Variants in CEP164 observed in about 807,000 individuals in gnomAD.
The protein encoded by CEP164 is centrosomal protein of 164 kDa.
A neutral mutation model predicts 182.7 loss-of-function variants in CEP164; 162 were observed. The ratio of observed to expected loss-of-function variants is 0.89; its 90% confidence interval spans 0.78 to 1.01. CEP164 has a LOEUF of 1.01. Ranked by LOEUF, CEP164 falls within the 50% of genes least tolerant of loss-of-function variation. The pLI, the probability that CEP164 is intolerant of heterozygous loss-of-function variation, is 0.00. For missense variants in CEP164, 1,735 were observed against 1,790.4 expected (o/e 0.97, Z 0.56); for synonymous variants, 661 against 690.0 (o/e 0.96, Z 0.66).
At chr11:117,337,524 A>AAAAAAAAAAAAG (rs2037373001) in intron 2 of CEP164, among the ~76,000 whole-genome samples, 1 of 151,166 alleles carries the variant, frequency 6.6e-6, no homozygotes, top group African/African-American at 2.4e-5. Flanking sequence ...AAAAAAAAAA[A>AAAAAAAAAAAAG]GTAAAATATA....
intron 5 of CEP164, 135 bp from the exon 6 acceptor site, chr11:117,361,700 C>A (rs769991380): frequency 2.8e-5 from 23 of 836,220 alleles, no homozygotes; most frequent in Non-Finnish European, 4.3e-5. Context: ...TGTTGTGTTT[C>A]ATTAGCAGCC....
intron 5 of CEP164, among the ~76,000 whole-genome samples, chr11:117,352,537 G>T (rs745754320): frequency 5.9e-5 from 9 of 152,218 alleles, no homozygotes; most frequent in Non-Finnish European, 1.2e-4. Flanking sequence ...ATTGTTGCCA[G>T]TGTCTTCAGT....
At chr11:117,336,827 T>C (rs1160573711) in intron 2 of CEP164, among the ~76,000 whole-genome samples, 1 of 151,934 alleles carries the variant, frequency 6.6e-6, no homozygotes, top group Non-Finnish European at 1.5e-5. Flanking sequence ...CTCCTGTTGG[T>C]CACATTTGGT....
intron 3 of CEP164, among the ~76,000 whole-genome samples, chr11:117,343,779 C>T (rs1369689154): frequency 2.6e-5 from 4 of 151,870 alleles, no homozygotes; most frequent in African/African-American, 2.4e-5. Context: ...TACAGATGTG[C>T]GCCACCACGC....
At chr11:117,329,669 G>A (rs998488544) in intron 1 of CEP164, among the ~76,000 whole-genome samples, 2 of 152,116 alleles carry the variant, frequency 1.3e-5, no homozygotes, top group Admixed American at 6.6e-5. Flanking sequence ...AGCTTCCCGA[G>A]TAGCTGGGAC....
intron 12 of CEP164, among the ~76,000 whole-genome samples, chr11:117,381,276 A>G (rs2043287063): frequency 1.3e-5 from 2 of 152,200 alleles, no homozygotes; most frequent in African/African-American, 4.8e-5. Flanking sequence ...TCACTTTTGG[A>G]CCTGCAAAAA....
rs2047301933 is a variant in CEP164 at position 117,411,097 on chromosome 11, C to T, written c.4163+203C>T. On this transcript the variant is annotated intron_variant, in intron 31 of 32. Coordinates refer to ENST00000278935, the MANE Select transcript of CEP164 (RefSeq NM_014956.5). The surrounding 1 kb of genome is among the most constrained non-coding windows in gnomAD (Gnocchi z 4.4). ...GACCAGGGGAAAGTCAAGTTCACAC[C>T]GCCAAGGTCCCAGTGGGGAAGGGCT... 1.6e-5 allele frequency: 9 copies of T among 560,942 alleles called. No homozygotes were observed. Among genetic ancestry groups the T allele is most frequent in the East Asian group, 1.2e-4 (4 of 33,914 alleles). The allele number at this position is 560,942 out of a possible 1,614,324, so 34.7% of individuals were successfully genotyped here.
intron 27 of CEP164, among the ~76,000 whole-genome samples, chr11:117,402,389 T>A (rs565994810): frequency 2.5e-4 from 38 of 152,000 alleles, no homozygotes; most frequent in Non-Finnish European, 4.9e-4. Context: ...CCTGGTTAAT[T>A]TTTGTATTTT....
chr11:117,386,622 T>C (rs1470863791), intron 14 of CEP164: 1 of 153,088 alleles, frequency 6.5e-6, no homozygotes. Context: ...CCTGGCCCCC[T>C]TGGTGGTGTG....
chr11:117,409,805 C>CCCCT lies in CEP164; in HGVS notation c.3936_3937insCCCT (p.Thr1313ProfsTer78). ...GGGACCCTAAGAGCACCCCCACCCC[C>CCCCT]ACCTACTATGGCTCCCTGGCCAGGT... On this transcript the variant is annotated frameshift_variant, in exon 30 of 33. Transcript: ENST00000278935. LOFTEE classifies it high-confidence loss of function. The surrounding 1 kb of genome is among the most constrained non-coding windows in gnomAD (Gnocchi z 4.4). 6.2e-7 allele frequency: 1 copy of CCCCT among 1,612,048 alleles called. No individual in the cohort carries two copies. Among genetic ancestry groups the CCCCT allele is most frequent in the South Asian group, 1.1e-5 (1 of 90,946 alleles).
intron 14 of CEP164, chr11:117,386,164 T>A (rs1002627557): frequency 1.3e-5 from 2 of 152,268 alleles, no homozygotes; most frequent in Non-Finnish European, 2.9e-5. Flanking sequence ...TGCAACAGCC[T>A]GAGTGCTGTG....
At position 117,409,502 on chromosome 11, in the gene CEP164, T is replaced by A. The variant is rs900617330; in HGVS notation, c.3749-116T>A. The A allele has an allele frequency of 9.0e-6, 8 of 889,916 alleles. No individual in the cohort carries two copies. The highest frequency in any genetic ancestry group is 6.4e-5 in the South Asian group (4 of 62,832). The allele number at this position is 889,916 out of a possible 1,614,324, so 55.1% of individuals were successfully genotyped here. ...ACCCCCTCATAAGGTTGAGGGGCTG[T>A]TGTCTGGAGAAGCAGGGAGGGGTGG... On this transcript the variant is annotated intron_variant, in intron 29 of 32. Transcript: ENST00000278935. This position sits in a 1 kb window ranked among gnomAD's most constrained non-coding sequence, Gnocchi z 4.4.
chr11:117,379,519 T>C (rs1474599427), intron 11 of CEP164, among the ~76,000 whole-genome samples: 2 of 152,120 alleles, frequency 1.3e-5, no homozygotes, highest in East Asian at 1.9e-4. Context: ...CAGAGTCTTT[T>C]CTTTTTGTTT....
At position 117,397,283 on chromosome 11, in the gene CEP164, C is replaced by A. The variant is rs1045099586; in HGVS notation, c.3471C>A (p.Ala1157=). Residue 1157 remains alanine (A), a synonymous_variant, in exon 27 of 33, where the codon GCC becomes GCA. Transcript: ENST00000278935. ...CCAAAGACCCACCAGGCATCAAGGC[C>A]CTGGAAGATATGCGCAAGAACCTGG... The part of the protein sequence containing the change: ...EVAKDPPGIK[A]LEDMRKNLEK... The A allele has an allele frequency of 2.5e-6, 4 of 1,613,572 alleles. No individual in the cohort carries two copies. Among genetic ancestry groups the A allele is most frequent in the Middle Eastern group, 3.5e-4 (2 of 5,652 alleles).
chr11:117,348,501 A>G (rs1213393222), intron 4 of CEP164, among the ~76,000 whole-genome samples: 1 of 152,116 alleles, frequency 6.6e-6, no homozygotes, highest in Admixed American at 6.6e-5. Context: ...TATTCTGGGT[A>G]TTCTGGGTAA....
rs900850048 is a variant in CEP164, at chr11:117,393,151, G to A, written c.2616+25G>A. 3.8e-5 allele frequency: 61 copies of A among 1,606,888 alleles called. 1 individual carries two copies. Among genetic ancestry groups the A allele is most frequent in the South Asian group, 1.8e-4 (16 of 90,620 alleles). ...GGTAGCTCAGCCACATCCCCTGCGC[G>A]CATGCACACACATGCACACACACAT... On this transcript the variant is annotated intron_variant, in intron 20 of 32. Transcript: ENST00000278935.
chr11:117,375,239 G>A (rs1012578057), intron 10 of CEP164, among the ~76,000 whole-genome samples: 4 of 152,198 alleles, frequency 2.6e-5, no homozygotes, highest in East Asian at 1.9e-4. Flanking sequence ...CGCAGCATGT[G>A]TCATGGAAAG....
chr11:117,396,206 GCT>G, intron 25 of CEP164, 26 bp downstream of exon 25: 1 of 1,559,464 alleles, frequency 6.4e-7, no homozygotes, highest in Non-Finnish European at 8.8e-7. Flanking sequence ...GGGCCTGGGG[GCT>G]GGGGCACCAG....
rs944417802 is a variant in CEP164 at position 117,396,611 on chromosome 11, G to A, written c.3278G>A (p.Ser1093Asn). The A allele has an allele frequency of 1.2e-6, 2 of 1,611,956 alleles. No individual in the cohort carries two copies. The highest frequency in any genetic ancestry group is 2.7e-5 in the African/African-American group (2 of 75,012). ...SQSKEDLYLD[S>N]LSSHNVWHLL... ...AGCAAGGAGGACTTATACTTGGACA[G>A]GTGAGTTCCCATAGCCTGTCTTATT... Residue 1093 changes from serine (S) to asparagine (N), a missense_variant and splice_region_variant, in exon 26 of 33, where the codon AGC (serine) becomes AAC (asparagine). Physicochemically the swap from Ser to Asn is conservative, Grantham distance 46. Transcript: ENST00000278935.
Sources: allele counts gnomAD v4.1 joint callset (sites outside exome capture counted in the v4.1 genomes callset), GRCh38; gene constraint gnomAD v4.1.1; non-coding constraint Gnocchi (gnomAD v3.1); transcripts MANE v1.5; gene names NCBI Gene and HGNC (gene_info 2026-07-23, HGNC 2026-07-21).